Variants in SLIT1 observed in about 807,000 individuals in gnomAD.
SLIT1 encodes slit guidance ligand 1.
In SLIT1, 66 loss-of-function variants were observed where a neutral mutation model predicts 186.1. The observed-to-expected ratio is 0.35, with a 90% CI of 0.29 to 0.44. The LOEUF is 0.44. Among genes scored for constraint, SLIT1 ranks in the 20% least tolerant of loss-of-function variants. SLIT1 has a pLI of 1.00. For synonymous variants in SLIT1, 761 were observed against 833.8 expected, an observed-to-expected ratio of 0.91 and a Z score of 1.50; for missense variants, 1,638 against 2,037.4, an observed-to-expected ratio of 0.80 and a Z score of 3.77.
intron 4 of SLIT1, among the ~76,000 whole-genome samples, chr10:97,113,275 G>A (rs1299744742): frequency 1.3e-5 from 2 of 151,916 alleles, no homozygotes; most frequent in Non-Finnish European, 2.9e-5. Flanking sequence ...TTTTGATATG[G>A]AGTTTCAATC....
At chr10:97,045,316 GAAAAA>G (rs1342391149) in intron 18 of SLIT1, among the ~76,000 whole-genome samples, 2 of 152,052 alleles carry the variant, frequency 1.3e-5, no homozygotes, top group African/African-American at 2.4e-5. Context: ...ATGTGGAATG[GAAAAA>G]AATTTTAATA....
chr10:97,090,554 T>C (rs1849219655), intron 4 of SLIT1, among the ~76,000 whole-genome samples: 1 of 151,234 alleles, frequency 6.6e-6, no homozygotes, highest in South Asian at 2.1e-4. Context: ...TGATATTTTA[T>C]AAGGAGAACT....
chr10:97,006,812 T>TG lies in SLIT1; in HGVS notation c.3342-93dup, dbSNP rs1848363325. The TG allele has an allele frequency of 7.1e-6, 6 of 841,072 alleles. No individual in the cohort carries two copies. Among genetic ancestry groups the TG allele is most frequent in the African/African-American group, 1.7e-5 (1 of 59,058 alleles). 52.1% of individuals were successfully genotyped at this position (841,072 alleles called of 1,614,324 possible). A position where few individuals can be genotyped will look rare whatever the true frequency, so the allele number is the denominator to read the frequency against. ...CTGGAGAGAAATTCACTAAACATCT[T>TG]GGGAAAATGGATTCTTAAAGCGACA... is the stretch of plus-strand genomic sequence containing the variant. On this transcript the variant is annotated intron_variant, in intron 31 of 36. Transcript: ENST00000266058. This position sits in a 1 kb window ranked among gnomAD's most constrained non-coding sequence, Gnocchi z 4.0.
At chr10:97,066,866 G>A (rs930506370) in intron 4 of SLIT1, among the ~76,000 whole-genome samples, 1 of 152,184 alleles carries the variant, frequency 6.6e-6, no homozygotes, top group African/African-American at 2.4e-5. Flanking sequence ...CGTGCAGGGC[G>A]CAAAGGGGCA....
intron 4 of SLIT1, among the ~76,000 whole-genome samples, chr10:97,112,378 G>T (rs748942392): frequency 1.8e-4 from 27 of 152,278 alleles, no homozygotes; most frequent in Non-Finnish European, 2.2e-4. Context: ...TCCCCTTTCC[G>T]CATCCACAGC....
chr10:97,167,241 A>G (rs1850133346), intron 1 of SLIT1, among the ~76,000 whole-genome samples: 1 of 152,078 alleles, frequency 6.6e-6, no homozygotes, highest in Admixed American at 6.6e-5. Context: ...TATTTCCCGA[A>G]ACAGCCACTC....
chr10:97,004,277 C>T lies in SLIT1; in HGVS notation c.3711-55G>A, dbSNP rs1848339741. 6.5e-7 allele frequency: 1 copy of T among 1,542,686 alleles called. No homozygotes were observed. Among genetic ancestry groups the T allele is most frequent in the Non-Finnish European group, 8.8e-7 (1 of 1,132,840 alleles). ...GGAGTGGGCATCAGTCTGGACCATC[C>T]CTGCCTGGGCACTTCCCCAGAAACA... On this transcript the variant is annotated intron_variant, in intron 33 of 36. Transcript: ENST00000266058. This position sits in a 1 kb window ranked among gnomAD's most constrained non-coding sequence, Gnocchi z 5.1.
At chr10:97,042,307 C>T (rs1459031440) in intron 20 of SLIT1, among the ~76,000 whole-genome samples, 9 of 152,068 alleles carry the variant, frequency 5.9e-5, no homozygotes, top group East Asian at 3.9e-4. Flanking sequence ...AAATTCCCTG[C>T]GGCAGGGTGC....
At chr10:97,062,570 GC>G (rs1175987167) in intron 8 of SLIT1, among the ~76,000 whole-genome samples, 1 of 152,256 alleles carries the variant, frequency 6.6e-6, no homozygotes, top group African/African-American at 2.4e-5. Context: ...GGCTCCCTGG[GC>G]CCTGCCCTGC....
At chr10:97,144,676 G>A (rs1849798930) in intron 4 of SLIT1, among the ~76,000 whole-genome samples, 1 of 152,130 alleles carries the variant, frequency 6.6e-6, no homozygotes, top group Non-Finnish European at 1.5e-5. Context: ...GGCCCAGCCT[G>A]CAACCTCCCA....
intron 4 of SLIT1, among the ~76,000 whole-genome samples, chr10:97,128,445 G>C (rs865842966): frequency 6.6e-6 from 1 of 152,128 alleles, no homozygotes; most frequent in African/African-American, 2.4e-5. Context: ...TCAGCAAAGA[G>C]CTGTGAACGT....
chr10:97,163,335 G>A (rs760626712), intron 3 of SLIT1, 45 bp downstream of exon 3: 33 of 1,550,532 alleles, frequency 2.1e-5, no homozygotes, highest in African/African-American at 2.7e-5. Flanking sequence ...GTTCCCTCTC[G>A]TGCCAGCCCC....
At chr10:97,058,021 G>A in intron 11 of SLIT1, 2 of 717,492 alleles carry the variant, frequency 2.8e-6, no homozygotes, top group Non-Finnish European at 5.2e-6. Flanking sequence ...GGTCATTCCT[G>A]GAGTGAGGCA....
intron 3 of SLIT1, among the ~76,000 whole-genome samples, chr10:97,161,173 G>A (rs1367886789): frequency 6.6e-6 from 1 of 152,172 alleles, no homozygotes; most frequent in Non-Finnish European, 1.5e-5. Flanking sequence ...CACCCAGTGG[G>A]GTCATGTCTC....
At chr10:97,130,772 G>T (rs955098687) in intron 4 of SLIT1, among the ~76,000 whole-genome samples, 1 of 152,188 alleles carries the variant, frequency 6.6e-6, no homozygotes, top group Non-Finnish European at 1.5e-5. Context: ...GCTAATATGT[G>T]TTAAGCATTT....
chr10:97,052,504 T>A (rs1432669974), intron 13 of SLIT1, among the ~76,000 whole-genome samples: 1 of 152,184 alleles, frequency 6.6e-6, no homozygotes, highest in African/African-American at 2.4e-5. Context: ...GACAAGGGAT[T>A]TGGAAGGGAA....
chr10:97,130,686 G>A (rs113565060), intron 4 of SLIT1, among the ~76,000 whole-genome samples: 92 of 152,268 alleles, frequency 6.0e-4, no homozygotes, highest in African/African-American at 1.7e-3. Flanking sequence ...TAACCTCTCT[G>A]TGCCTCAGTT....
intron 4 of SLIT1, among the ~76,000 whole-genome samples, chr10:97,127,934 G>A (rs1201267597): frequency 6.6e-6 from 1 of 152,074 alleles, no homozygotes; most frequent in Non-Finnish European, 1.5e-5. Flanking sequence ...GGGAGGAGAG[G>A]TAGAAAACCC....
At chr10:97,081,626 T>C (rs181775437) in intron 4 of SLIT1, among the ~76,000 whole-genome samples, 57 of 152,286 alleles carry the variant, frequency 3.7e-4, no homozygotes, top group Admixed American at 2.0e-3. Context: ...CTGCAGCCCC[T>C]GAGGCCCCCT....
Sources: allele counts gnomAD v4.1 joint callset (sites outside exome capture counted in the v4.1 genomes callset), GRCh38; gene constraint gnomAD v4.1.1; non-coding constraint Gnocchi (gnomAD v3.1); transcripts MANE v1.5; gene names NCBI Gene and HGNC (gene_info 2026-07-23, HGNC 2026-07-21).